NFIA: variants seen among roughly 807,000 people sequenced by gnomAD.
The protein encoded by NFIA is nuclear factor 1 A-type.
A neutral mutation model predicts 62.8 loss-of-function variants in NFIA; 8 were observed. The observed-to-expected ratio is 0.13, with a 90% confidence interval of 0.07 to 0.23. NFIA has a LOEUF of 0.23. Ranked by LOEUF, NFIA falls within the 10% of genes least tolerant of loss-of-function variation. The pLI, the probability that NFIA is intolerant of heterozygous loss-of-function variation, is 1.00. For synonymous variants in NFIA, 235 were observed against 238.1 expected (o/e 0.99, Z 0.12); for missense variants, 410 against 642.1 (o/e 0.64, Z 3.91).
chr1:61,452,872 C>T (rs556133278), intron 10 of NFIA, among the ~76,000 whole-genome samples: 21 of 151,178 alleles, frequency 1.4e-4, no homozygotes, highest in Admixed American at 1.1e-3. Context: ...ACATTCACAT[C>T]GCATTTTTTT....
chr1:61,109,244 T>G (rs1646655075), intron 2 of NFIA, among the ~76,000 whole-genome samples: 1 of 151,900 alleles, frequency 6.6e-6, no homozygotes, highest in African/African-American at 2.4e-5. Context: ...AGGGGTTTAT[T>G]ATGCTTTAGT....
intron 2 of NFIA, among the ~76,000 whole-genome samples, chr1:61,106,125 A>G (rs960164722): frequency 7.3e-5 from 11 of 151,054 alleles, no homozygotes; most frequent in East Asian, 1.9e-4. Context: ...CTATCTATCT[A>G]TCTATCTATA....
At chr1:61,134,257 T>A (rs1042516062) in intron 2 of NFIA, among the ~76,000 whole-genome samples, 1 of 143,514 alleles carries the variant, frequency 7.0e-6, no homozygotes, top group Non-Finnish European at 1.5e-5. Context: ...TGTGTGTGTG[T>A]GTGTGTGTGT....
chr1:61,323,067 C>T (rs1326696750), intron 3 of NFIA, among the ~76,000 whole-genome samples: 1 of 152,166 alleles, frequency 6.6e-6, no homozygotes, highest in African/African-American at 2.4e-5. Flanking sequence ...TTTGGAGCCA[C>T]AAAAGAAGGC....
rs370461563 is a variant in NFIA at position 61,152,001 on chromosome 1, A to G, written c.559+63321A>G. On this transcript the variant is annotated intron_variant, in intron 2 of 10. Coordinates refer to ENST00000403491, the MANE Select transcript of NFIA (RefSeq NM_001134673.4). ...GCTCAGAGAGTCCTGTCCTGGTTCC[A>G]TAACACTGTGATAATAACTGAAGAT... is the stretch of plus-strand genomic sequence containing the variant. Among the ~76,000 whole-genome samples, 13 of 152,308 alleles carry G rather than the reference A, an allele frequency of 8.5e-5. No individual in the cohort carries two copies. In the South Asian group the frequency reaches 1.5e-3, roughly 17 times the overall value.
Position 61,460,889 on chromosome 1 carries a change from A to G in NFIA, c.*5569A>G, listed in dbSNP as rs1668502554. ...CTTTTTTTCCGACTTGGTTCTTGTC[A>G]GCTAGGTTTAAAGGTATTTCACTGA... On this transcript the variant is annotated 3_prime_UTR_variant, in exon 11 of 11. Coordinates refer to ENST00000403491, the MANE Select transcript of NFIA (RefSeq NM_001134673.4). The G allele has an allele frequency of 6.6e-6, 1 of 152,224 alleles. No individual in the cohort carries two copies. Among genetic ancestry groups the G allele is most frequent in the African/African-American group, 2.4e-5 (1 of 41,454 alleles). 9.4% of individuals were successfully genotyped at this position (152,224 alleles called of 1,614,324 possible). A position where few individuals can be genotyped will look rare whatever the true frequency, so the allele number is the denominator to read the frequency against.
intron 3 of NFIA, among the ~76,000 whole-genome samples, chr1:61,313,973 A>T (rs1234944120): frequency 6.6e-6 from 1 of 152,246 alleles, no homozygotes; most frequent in African/African-American, 2.4e-5. Flanking sequence ...CTACCTCATA[A>T]CACTTTGAAA....
chr1:61,130,538 A>G (rs1315835224), intron 2 of NFIA, among the ~76,000 whole-genome samples: 2 of 152,192 alleles, frequency 1.3e-5, no homozygotes, highest in African/African-American at 4.8e-5. Context: ...GATGCATAAC[A>G]TTTTTGTTAA....
intron 4 of NFIA, among the ~76,000 whole-genome samples, chr1:61,338,410 T>C (rs931653277): frequency 6.6e-6 from 1 of 152,224 alleles, no homozygotes; most frequent in East Asian, 1.9e-4. Flanking sequence ...CTAGTGGCTG[T>C]TTTCTGCCTT....
intron 2 of NFIA, among the ~76,000 whole-genome samples, chr1:61,118,321 G>A (rs1328202712): frequency 6.6e-6 from 1 of 152,148 alleles, no homozygotes; most frequent in Admixed American, 6.5e-5. Context: ...ATGTAATGAT[G>A]TTTTCAATCA....
intron 4 of NFIA, among the ~76,000 whole-genome samples, chr1:61,350,507 A>G (rs1662489796): frequency 6.6e-6 from 1 of 152,156 alleles, no homozygotes; most frequent in African/African-American, 2.4e-5. Context: ...GTGGCGTAGC[A>G]TACCTGTGGT....
intron 9 of NFIA, among the ~76,000 whole-genome samples, chr1:61,424,360 G>C (rs1196175944): frequency 2.7e-5 from 4 of 150,930 alleles, no homozygotes; most frequent in Non-Finnish European, 4.4e-5. Flanking sequence ...TCAACCCCCA[G>C]AATGGCTTCT....
At chr1:61,329,176 T>C (rs1211930912) in intron 3 of NFIA, among the ~76,000 whole-genome samples, 2 of 150,278 alleles carry the variant, frequency 1.3e-5, no homozygotes, top group East Asian at 2.0e-4. Context: ...GCCTCCTGAG[T>C]AGCTGGGATT....
At chr1:61,235,331 G>A (rs1654927211) in intron 2 of NFIA, among the ~76,000 whole-genome samples, 1 of 151,722 alleles carries the variant, frequency 6.6e-6, no homozygotes, top group Admixed American at 6.6e-5. Context: ...GGTGTGGTGG[G>A]TGGTGCCTGT....
chr1:61,308,616 G>A (rs149068969), intron 3 of NFIA, among the ~76,000 whole-genome samples: 1 of 152,132 alleles, frequency 6.6e-6, no homozygotes, highest in African/African-American at 2.4e-5. Flanking sequence ...AAGAAGATGG[G>A]CTTGGAAATC....
intron 2 of NFIA, among the ~76,000 whole-genome samples, chr1:61,122,253 A>G (rs1015483000): frequency 6.6e-6 from 1 of 152,182 alleles, no homozygotes; most frequent in African/African-American, 2.4e-5. Flanking sequence ...TAGTCTACTA[A>G]TATGCTCACA....
In NFIA at chr1:61,215,388, A is replaced by G. The variant is rs185227716; in HGVS notation, c.560-62132A>G. 3.0e-3 allele frequency among the ~76,000 whole-genome samples: 454 copies of G among 152,314 alleles called. 2 individuals are homozygous for G. The highest frequency in any genetic ancestry group is 0.01 in the African/African-American group (417 of 41,574). Reference sequence around the variant, plus strand: ...GTTTTCCTGTTCTAAAAACAAAAACATTAAAATCACCCACTGTTGAAGACA... The same window carrying G: ...GTTTTCCTGTTCTAAAAACAAAAACGTTAAAATCACCCACTGTTGAAGACA... On this transcript the variant is annotated intron_variant, in intron 2 of 10. Transcript: ENST00000403491.
At chr1:61,136,904 A>G (rs901014152) in intron 2 of NFIA, among the ~76,000 whole-genome samples, 1 of 152,218 alleles carries the variant, frequency 6.6e-6, no homozygotes, top group East Asian at 1.9e-4. Context: ...CTTTATAAGA[A>G]TTTTAGAAAA....
At chr1:61,269,066 C>G (rs1485360562) in intron 2 of NFIA, among the ~76,000 whole-genome samples, 2 of 152,074 alleles carry the variant, frequency 1.3e-5, no homozygotes, top group Non-Finnish European at 2.9e-5. Context: ...GAGGAGAATA[C>G]AAACAAGTAG....
Sources: allele counts gnomAD v4.1 joint callset (sites outside exome capture counted in the v4.1 genomes callset), GRCh38; gene constraint gnomAD v4.1.1; transcripts MANE v1.5; gene names NCBI Gene and HGNC (gene_info 2026-07-23, HGNC 2026-07-21).